The following BCR variants were observed in gnomAD, a reference collection of about 807,000 sequenced individuals.
BCR encodes the protein BCR activator of RhoGEF and GTPase, also known as breakpoint cluster region protein.
In BCR, 58 loss-of-function variants were observed where a neutral mutation model predicts 138.6. The ratio of observed to expected loss-of-function variants is 0.42; its 90% CI spans 0.34 to 0.52. The LOEUF (loss-of-function observed/expected upper bound fraction) is 0.52. BCR is among the 20% of genes least tolerant of loss of function. The probability of loss-of-function intolerance (pLI) is 0.06; values close to 1 mark genes in which losing one functional copy is unlikely to be tolerated. For missense variants in BCR, 1,599 were observed against 1,727.2 expected, an observed-to-expected ratio of 0.93 and a Z score of 1.32; for synonymous variants, 786 against 730.1, an observed-to-expected ratio of 1.08 and a Z score of -1.23.
chr22:23,275,466 C>G (rs1206525160), intron 8 of BCR, among the ~76,000 whole-genome samples: 1 of 152,228 alleles, frequency 6.6e-6, no homozygotes. Context: ...TTGGCAGTCT[C>G]TGAGCGCATT....
At chr22:23,302,755 C>T (rs999078779) in intron 16 of BCR, 1 of 152,248 alleles carries the variant, frequency 6.6e-6, no homozygotes, top group Non-Finnish European at 1.5e-5. Flanking sequence ...CACAAACAAG[C>T]CCCCCAGCTG....
intron 1 of BCR, among the ~76,000 whole-genome samples, chr22:23,211,478 G>A (rs924864101): frequency 3.1e-4 from 47 of 150,540 alleles, no homozygotes; most frequent in African/African-American, 1.1e-3. Flanking sequence ...GATTACAGAC[G>A]TGACCACTGC....
chr22:23,188,672 T>C (rs997011552), intron 1 of BCR, among the ~76,000 whole-genome samples: 3 of 152,126 alleles, frequency 2.0e-5, no homozygotes, highest in Admixed American at 6.5e-5. Flanking sequence ...GCTTTTTGGG[T>C]CAAGACTCGG....
rs867644920 is a variant in BCR, at chr22:23,180,583, G to A, written c.-378G>A. 3,671 of 43,092 alleles carry A rather than the reference G, an allele frequency of 0.085. 56 individuals carry two copies. The highest frequency in any genetic ancestry group is 0.38 in the African/African-American group (935 of 2,490). 2.7% of individuals were successfully genotyped at this position (43,092 alleles called of 1,614,324 possible). On this transcript the variant is annotated 5_prime_UTR_variant, in exon 1 of 23. Coordinates refer to ENST00000305877, the MANE Select transcript of BCR (RefSeq NM_004327.4). ...TAGCGTCCGAGGAGGCGGCGGCGGC[G>A]GCGGCGGCACGGCGGCGGCGGGGCT...
At chr22:23,305,581 G>A (rs1197733375) in intron 16 of BCR, among the ~76,000 whole-genome samples, 37 of 152,180 alleles carry the variant, frequency 2.4e-4, no homozygotes. Context: ...TGCCCCAGTT[G>A]GGCTTCGGCC....
At chr22:23,218,623 G>A (rs904651086) in intron 1 of BCR, among the ~76,000 whole-genome samples, 8 of 152,220 alleles carry the variant, frequency 5.3e-5, no homozygotes, top group African/African-American at 1.4e-4. Context: ...TGTGGGACTC[G>A]TGTGGGGACA....
At chr22:23,253,652 T>C in intron 1 of BCR, 147 bp from the exon 2 acceptor site, 1 of 841,840 alleles carries the variant, frequency 1.2e-6, no homozygotes, top group Non-Finnish European at 1.8e-6. Flanking sequence ...GACCAGTCAG[T>C]TGTGAAGGGG....
At chr22:23,279,539 G>A (rs2073618310) in intron 8 of BCR, among the ~76,000 whole-genome samples, 1 of 152,218 alleles carries the variant, frequency 6.6e-6, no homozygotes, top group Admixed American at 6.5e-5. Context: ...CTTTGCTCTG[G>A]GGGCAGGGTA....
intron 1 of BCR, among the ~76,000 whole-genome samples, chr22:23,228,351 C>G (rs2072916788): frequency 6.6e-6 from 1 of 152,126 alleles, no homozygotes; most frequent in Admixed American, 6.5e-5. Flanking sequence ...ATCTGTGGAT[C>G]ATTTAGTAGT....
intron 1 of BCR, among the ~76,000 whole-genome samples, chr22:23,196,369 T>A (rs2072481625): frequency 6.6e-6 from 1 of 152,140 alleles, no homozygotes. Flanking sequence ...GTGGCGAGAC[T>A]CTGTGGATGG....
intron 1 of BCR, among the ~76,000 whole-genome samples, chr22:23,250,147 C>T (rs2073207831): frequency 6.6e-6 from 1 of 152,352 alleles, no homozygotes; most frequent in Admixed American, 6.5e-5. Context: ...CTTACAGTTA[C>T]TCTGAAGCAA....
intron 8 of BCR, among the ~76,000 whole-genome samples, chr22:23,277,102 G>T (rs1240277094): frequency 1.3e-5 from 2 of 152,274 alleles, no homozygotes; most frequent in Non-Finnish European, 2.9e-5. Context: ...CTTCCTCTTA[G>T]AATTTGCAGC....
intron 1 of BCR, among the ~76,000 whole-genome samples, chr22:23,209,536 T>C (rs2146217832): frequency 6.6e-6 from 1 of 151,274 alleles, no homozygotes; most frequent in East Asian, 1.9e-4. Flanking sequence ...TGCTAATTTA[T>C]TTATTCATTT....
At chr22:23,271,758 AG>A (rs1027942470) in intron 6 of BCR, among the ~76,000 whole-genome samples, 166 bp downstream of exon 6, 2 of 152,188 alleles carry the variant, frequency 1.3e-5, no homozygotes, top group Non-Finnish European at 2.9e-5. Context: ...CAGCTCAGGG[AG>A]GGCAGGGAAG....
At chr22:23,184,342 C>T (rs1160926413) in intron 1 of BCR, among the ~76,000 whole-genome samples, 1 of 152,076 alleles carries the variant, frequency 6.6e-6, no homozygotes, top group Non-Finnish European at 1.5e-5. Flanking sequence ...CCTCTAGCTT[C>T]AGCCTCCTGA....
intron 21 of BCR, 111 bp from the exon 22 acceptor site, chr22:23,314,441 C>T (rs2074044241): frequency 3.2e-6 from 4 of 1,269,050 alleles, no homozygotes; most frequent in Non-Finnish European, 4.5e-6. Flanking sequence ...GCTTGCAGCA[C>T]AGCCAGGGTC....
intron 5 of BCR, 147 bp downstream of exon 5, chr22:23,268,662 T>C (rs1018632413): frequency 3.9e-6 from 3 of 772,968 alleles, no homozygotes; most frequent in Non-Finnish European, 4.3e-6. Flanking sequence ...GCGTCAGCCC[T>C]GTGCTGGGGA....
intron 1 of BCR, among the ~76,000 whole-genome samples, chr22:23,240,186 A>G (rs1252929443): frequency 2.6e-5 from 4 of 151,994 alleles, no homozygotes; most frequent in South Asian, 2.1e-4. Flanking sequence ...TAAAGACCCT[A>G]TTTTCAAATA....
At chr22:23,305,443 G>A (rs1312582162) in intron 16 of BCR, among the ~76,000 whole-genome samples, 2 of 152,172 alleles carry the variant, frequency 1.3e-5, no homozygotes, top group African/African-American at 2.4e-5. Context: ...GTGAGAGGAT[G>A]TCCTCCGGCT....
Sources: allele counts gnomAD v4.1 joint callset (sites outside exome capture counted in the v4.1 genomes callset), GRCh38; gene constraint gnomAD v4.1.1; transcripts MANE v1.5; gene names NCBI Gene and HGNC (gene_info 2026-07-23, HGNC 2026-07-21).